KHSRP: variants seen among roughly 807,000 people sequenced by gnomAD.
KHSRP encodes KH-type splicing regulatory protein, also known as far upstream element-binding protein 2.
KHSRP carries 13 observed loss-of-function variants against 94.9 expected under a neutral mutation model. The observed-to-expected ratio is 0.14, with a 90% CI of 0.09 to 0.22. KHSRP has a LOEUF of 0.22. Ranked by LOEUF, KHSRP falls within the 10% of genes least tolerant of loss-of-function variation. The probability of loss-of-function intolerance (pLI) is 1.00; values close to 1 mark genes in which losing one functional copy is unlikely to be tolerated. For missense variants in KHSRP, 710 were observed against 1,010.0 expected, an observed-to-expected ratio of 0.70 and a Z score of 4.03; for synonymous variants, 495 against 401.4, an observed-to-expected ratio of 1.23 and a Z score of -2.79.
Position 6,420,556 on chromosome 19 carries a change from C to T in KHSRP, c.426-85G>A, listed in dbSNP as rs1254831447. 3.1e-5 allele frequency: 38 copies of T among 1,222,986 alleles called. No homozygotes were observed. In the East Asian group the frequency reaches 8.9e-4, roughly 29 times the overall value. 75.8% of individuals were successfully genotyped at this position (1,222,986 alleles called of 1,614,324 possible). A position where few individuals can be genotyped will look rare whatever the true frequency, so the allele number is the denominator to read the frequency against. ...TGGAAGGTCTACTTGAAGCCAAGGC[C>T]ACCATAGGTCTAAGCAGAGTCTGAC... On this transcript the variant is annotated intron_variant, in intron 4 of 18. Coordinates refer to ENST00000600480, the MANE Select transcript of KHSRP (RefSeq NM_001366299.1).
chr19:6,420,293 G>A (rs1216778561), intron 5 of KHSRP, 129 bp downstream of exon 5: 5 of 1,150,206 alleles, frequency 4.3e-6, no homozygotes, highest in East Asian at 2.5e-5. Context: ...CAGAGGGGAC[G>A]AAGGAGGGAC....
At position 6,413,979 on chromosome 19, in the gene KHSRP, T is replaced by G; in HGVS notation, c.*1045A>C. 48 of 763,408 alleles carry G rather than the reference T, an allele frequency of 6.3e-5. No homozygotes were observed. The highest frequency in any genetic ancestry group is 7.5e-5 in the Non-Finnish European group (39 of 516,982). The allele number at this position is 763,408 out of a possible 1,614,324, so 47.3% of individuals were successfully genotyped here. ...TGCCCCCAAGTCCCCCCCACCCTGC[T>G]TGCCGCGAGGGCTCCCCAGTACTCC... On this transcript the variant is annotated 3_prime_UTR_variant, in exon 19 of 19. Coordinates refer to ENST00000600480, the MANE Select transcript of KHSRP (RefSeq NM_001366299.1).
At chr19:6,420,942 T>A (rs1009424808) in intron 4 of KHSRP, 8 of 401,472 alleles carry the variant, frequency 2.0e-5, no homozygotes, top group Non-Finnish European at 2.7e-5. Flanking sequence ...TGCAGATGTG[T>A]GAGGGAGGGA....
Position 6,424,670 on chromosome 19 carries a change from G to A in KHSRP, c.32C>T (p.Pro11Leu), listed in dbSNP as rs2092222037. The A allele has an allele frequency of 9.7e-7, 1 of 1,026,716 alleles. No homozygotes were observed. The highest frequency in any genetic ancestry group is 1.2e-6 in the Non-Finnish European group (1 of 857,764). 63.6% of individuals were successfully genotyped at this position (1,026,716 alleles called of 1,614,324 possible). A position where few individuals can be genotyped will look rare whatever the true frequency, so the allele number is the denominator to read the frequency against. ...CCCGCCGGCGGGCGGCGGCGGCCCG[G>A]GCGGGGGTCCTCCCGTGCTGTAGTC... MSDYSTGGPP[P>L]GPPPPAGGGG... The change falls in exon 1 of 19, where the codon CCC (proline) becomes CTC (leucine). Residue 11 changes from proline to leucine, a missense_variant. By Grantham distance (98) the Pro-to-Leu change is moderately conservative. Coordinates refer to ENST00000600480, the MANE Select transcript of KHSRP (RefSeq NM_001366299.1).
chr19:6,418,757 G>A lies in KHSRP; in HGVS notation c.725C>T (p.Ala242Val), dbSNP rs1466225153. Residue 242 changes from alanine (A) to valine (V), a missense_variant, in exon 8 of 19, where the codon GCG (alanine) becomes GTG (valine). By Grantham distance (64) the Ala-to-Val change is moderately conservative. This residue lies in a region of KHSRP where 288 missense variants were observed against 501.1 expected (regional missense o/e 0.57). Transcript: ENST00000600480. The surrounding 1 kb of genome is among the most constrained non-coding windows in gnomAD (Gnocchi z 4.3). Reference sequence around the variant, plus strand: ...GCCAATGACCAGGCCGGCCTTGCCCGCGGGGATCATGATCTCCTGCACGGT... The same window carrying A: ...GCCAATGACCAGGCCGGCCTTGCCCACGGGGATCATGATCTCCTGCACGGT... ...NGTVQEIMIP[A>V]GKAGLVIGKG... The A allele has an allele frequency of 6.2e-7, 1 of 1,612,908 alleles. No homozygotes were observed. The highest frequency in any genetic ancestry group is 1.3e-5 in the African/African-American group (1 of 74,864).
chr19:6,419,993 G>T, intron 6 of KHSRP, 80 bp downstream of exon 6: 1 of 1,108,318 alleles, frequency 9.0e-7, no homozygotes, highest in Non-Finnish European at 1.4e-6. Context: ...CACAGTCCCC[G>T]TGGAAATTAA....
In KHSRP at chr19:6,415,625, C is replaced by T. The variant is rs1339711103; in HGVS notation, c.1797G>A (p.Ala599=). The change falls in exon 17 of 19, where the codon GCG becomes GCA. Residue 599 remains alanine (A), a synonymous_variant. Transcript: ENST00000600480. ...GPVPGPAPAP[A]APPAQGEPPQ... ...GGGGCTCACCCTGAGCCGGTGGGGC[C>T]GCAGGGGCCGGTGCGGGGCCGGGGA... The T allele has an allele frequency of 5.9e-6, 9 of 1,521,534 alleles. No individual in the cohort carries two copies. The highest frequency in any genetic ancestry group is 1.4e-5 in the African/African-American group (1 of 72,592). The allele number at this position is 1,521,534 out of a possible 1,614,324, so 94.3% of individuals were successfully genotyped here. A position where few individuals can be genotyped will look rare whatever the true frequency, so the allele number is the denominator to read the frequency against.
Position 6,415,003 on chromosome 19 carries a change from A to G in KHSRP, c.*21T>C. ...TGGGGACTCCCGGAGACCTCCGGCCACACGGCCCCCGCTGCAGGCATCAAG... is the reference window on the plus strand; with the variant it reads ...TGGGGACTCCCGGAGACCTCCGGCCGCACGGCCCCCGCTGCAGGCATCAAG... On this transcript the variant is annotated 3_prime_UTR_variant, in exon 19 of 19. Coordinates refer to ENST00000600480, the MANE Select transcript of KHSRP (RefSeq NM_001366299.1). The G allele has an allele frequency of 6.9e-7, 1 of 1,451,302 alleles. No homozygotes were observed. Among genetic ancestry groups the G allele is most frequent in the Middle Eastern group, 2.3e-4 (1 of 4,434 alleles). The allele number at this position is 1,451,302 out of a possible 1,614,324, so 89.9% of individuals were successfully genotyped here. A position where few individuals can be genotyped will look rare whatever the true frequency, so the allele number is the denominator to read the frequency against.
chr19:6,419,559 T>C (rs1034987511), intron 6 of KHSRP, among the ~76,000 whole-genome samples: 1 of 152,178 alleles, frequency 6.6e-6, no homozygotes, highest in African/African-American at 2.4e-5. Flanking sequence ...GAGCCGCTTC[T>C]ATAGACAACA....
chr19:6,413,388 G>T lies in KHSRP; in HGVS notation c.*1636C>A. ...TTTATTTGTGAAGTTAAAAACGAGCGATAAAAAGTAAAAACTGCCATACAA... is the reference window on the plus strand; with the variant it reads ...TTTATTTGTGAAGTTAAAAACGAGCTATAAAAAGTAAAAACTGCCATACAA... On this transcript the variant is annotated 3_prime_UTR_variant, in exon 19 of 19. Transcript: ENST00000600480. The T allele has an allele frequency of 2.4e-6, 1 of 414,956 alleles. No individual in the cohort carries two copies. Among genetic ancestry groups the T allele is most frequent in the Non-Finnish European group, 4.7e-6 (1 of 210,990 alleles). 25.7% of individuals were successfully genotyped at this position (414,956 alleles called of 1,614,324 possible).
At chr19:6,423,993 G>C (rs763558937) in intron 1 of KHSRP, 1 of 152,376 alleles carries the variant, frequency 6.6e-6, no homozygotes, top group Non-Finnish European at 1.5e-5. Flanking sequence ...CGACTGAAGA[G>C]GAAGGACTGT....
chr19:6,413,964 T>TC lies in KHSRP; in HGVS notation c.*1059dup, dbSNP rs2092120432. ...AGTGAGGGCCCGGCATGCCCCCAAGTCCCCCCCACCCTGCTTGCCGCGAGG... is the reference window on the plus strand; with the variant it reads ...AGTGAGGGCCCGGCATGCCCCCAAGTCCCCCCCCACCCTGCTTGCCGCGAGG... On this transcript the variant is annotated 3_prime_UTR_variant, in exon 19 of 19. Coordinates refer to ENST00000600480, the MANE Select transcript of KHSRP (RefSeq NM_001366299.1). 5.2e-6 allele frequency: 4 copies of TC among 771,898 alleles called. No homozygotes were observed. The South Asian group carries it at 7.5e-5, about 14-fold the overall frequency. 47.8% of individuals were successfully genotyped at this position (771,898 alleles called of 1,614,324 possible).
chr19:6,416,436 G>A lies in KHSRP; in HGVS notation c.1489-29C>T, dbSNP rs187508006. ...GAAGGAAGGAGAGTAACCAAGGTAA[G>A]TGGGCTGGGATCCGGGCTGTGAGAC... On this transcript the variant is annotated intron_variant, in intron 14 of 18. Transcript: ENST00000600480. 2.5e-4 allele frequency: 397 copies of A among 1,612,854 alleles called. 2 individuals are homozygous for A. The African/African-American group carries it at 4.4e-3, about 18-fold the overall frequency.
Position 6,413,962 on chromosome 19 carries a change from A to G in KHSRP, c.*1062T>C. ...AGAGTGAGGGCCCGGCATGCCCCCA[A>G]GTCCCCCCCACCCTGCTTGCCGCGA... is the stretch of plus-strand genomic sequence containing the variant. On this transcript the variant is annotated 3_prime_UTR_variant, in exon 19 of 19. Transcript: ENST00000600480. The G allele has an allele frequency of 1.1e-6, 1 of 875,796 alleles. No homozygotes were observed. Among genetic ancestry groups the G allele is most frequent in the African/African-American group, 1.7e-5 (1 of 58,344 alleles). 54.3% of individuals were successfully genotyped at this position (875,796 alleles called of 1,614,324 possible).
At position 6,414,217 on chromosome 19, in the gene KHSRP, G is replaced by A. The variant is rs759560197; in HGVS notation, c.*807C>T. The A allele has an allele frequency of 5.2e-6, 8 of 1,524,110 alleles. 1 individual carries two copies. In the East Asian group the frequency reaches 7.1e-5, roughly 13 times the overall value. 94.4% of individuals were successfully genotyped at this position (1,524,110 alleles called of 1,614,324 possible). On this transcript the variant is annotated 3_prime_UTR_variant, in exon 19 of 19. Transcript: ENST00000600480. ...AGGAGGGGCTGGAACACCGTGGGGG[G>A]GGCCAGGAAGCCCCCTCCCAAACCT...
At position 6,414,807 on chromosome 19, in the gene KHSRP, C is replaced by T; in HGVS notation, c.*217G>A. The T allele has an allele frequency of 2.6e-6, 3 of 1,171,096 alleles. No individual in the cohort carries two copies. The highest frequency in any genetic ancestry group is 3.2e-6 in the Non-Finnish European group (3 of 947,958). The allele number at this position is 1,171,096 out of a possible 1,614,324, so 72.5% of individuals were successfully genotyped here. A position where few individuals can be genotyped will look rare whatever the true frequency, so the allele number is the denominator to read the frequency against. The stretch of plus-strand genomic sequence containing the variant: ...AGGTGGTGGCGGCCGGGCCGGTGCC[C>T]ACCGTCCGCGCTGTCTGCCTGCCCC... On this transcript the variant is annotated 3_prime_UTR_variant, in exon 19 of 19. Coordinates refer to ENST00000600480, the MANE Select transcript of KHSRP (RefSeq NM_001366299.1).
In KHSRP at chr19:6,421,327, G is replaced by T. The variant is rs780498366; in HGVS notation, c.386-10C>A. 7.5e-5 allele frequency: 119 copies of T among 1,585,762 alleles called. 1 individual carries two copies. The South Asian group carries it at 1.3e-3, about 17-fold the overall frequency. On this transcript the variant is annotated splice_polypyrimidine_tract_variant and intron_variant, in intron 3 of 18. Transcript: ENST00000600480. ...AGTTGAGAACTGATTGCTGTAGAGA[G>T]AAAACCCAAAGCAAAGACTGGCTTA...
rs1568340502 is a variant in KHSRP at position 6,414,797 on chromosome 19, G to A, written c.*227C>T. The A allele has an allele frequency of 8.6e-7, 1 of 1,163,878 alleles. No homozygotes were observed. Among genetic ancestry groups the A allele is most frequent in the South Asian group, 3.5e-5 (1 of 28,332 alleles). 72.1% of individuals were successfully genotyped at this position (1,163,878 alleles called of 1,614,324 possible). On this transcript the variant is annotated 3_prime_UTR_variant, in exon 19 of 19. Transcript: ENST00000600480. Reference sequence around the variant, plus strand: ...ATTGTGAGCGAGGTGGTGGCGGCCGGGCCGGTGCCCACCGTCCGCGCTGTC... The same window carrying A: ...ATTGTGAGCGAGGTGGTGGCGGCCGAGCCGGTGCCCACCGTCCGCGCTGTC...
chr19:6,420,106 G>A lies in KHSRP; in HGVS notation c.514C>T (p.Gln172Ter). 6.2e-7 allele frequency: 1 copy of A among 1,613,632 alleles called. No individual in the cohort carries two copies. The highest frequency in any genetic ancestry group is 8.5e-7 in the Non-Finnish European group (1 of 1,179,586). The stretch of plus-strand genomic sequence containing the variant: ...ATCTGTACTTTGCAGCCTGAATCCT[G>A]TTGGATTTTGTTAATTTGTTCACCT... Reference protein sequence around the residue: ...RGGEQINKIQQDSGCKVQISP... With the variant: ...RGGEQINKIQ The change falls in exon 6 of 19, where the codon CAG becomes TAG. Residue 172 changes from glutamine (Q) to a stop codon, truncating the protein, a stop_gained. Coordinates refer to ENST00000600480, the MANE Select transcript of KHSRP (RefSeq NM_001366299.1). LOFTEE classifies it high-confidence loss of function.
Sources: gnomAD v4.1 joint callset for allele counts (sites outside exome capture counted in the v4.1 genomes callset) on GRCh38, gnomAD v4.1.1 for gene constraint, gnomAD v4.1.1 regional missense constraint, Gnocchi (gnomAD v3.1) non-coding constraint, MANE v1.5 for transcripts, NCBI Gene and HGNC (gene_info 2026-07-23, HGNC 2026-07-21) for gene names.